MYO10: variants seen among roughly 807,000 people sequenced by gnomAD.
The protein encoded by MYO10 is myosin X.
MYO10 carries 133 observed loss-of-function variants against 257.3 expected under a neutral mutation model. The observed-to-expected ratio is 0.52, with a 90% CI of 0.45 to 0.60. The LOEUF (loss-of-function observed/expected upper bound fraction) is 0.60, where lower values mean the gene tolerates loss of function less well. Ranked by LOEUF, MYO10 falls within the 20% of genes least tolerant of loss-of-function variation. The pLI, the probability that MYO10 is intolerant of heterozygous loss-of-function variation, is 0.00. For missense variants in MYO10, 2,399 were observed against 2,635.7 expected (o/e 0.91, Z 1.97); for synonymous variants, 1,104 against 1,028.6 (o/e 1.07, Z -1.40).
chr5:16,804,023 T>C (rs1742198154), intron 3 of MYO10, among the ~76,000 whole-genome samples: 1 of 152,174 alleles, frequency 6.6e-6, no homozygotes, highest in Admixed American at 6.5e-5. Flanking sequence ...TAAGATATTG[T>C]CCCTACGGTC....
At chr5:16,932,192 C>A (rs944985982) in intron 1 of MYO10, among the ~76,000 whole-genome samples, 4 of 152,204 alleles carry the variant, frequency 2.6e-5, no homozygotes, top group African/African-American at 9.7e-5. Flanking sequence ...TTGTGAGTAT[C>A]TTACTTGTGT....
chr5:16,680,133 CACGTCAACG>C (rs1288201300), intron 32 of MYO10, 29 bp from the exon 33 acceptor site: 1 of 1,594,092 alleles, frequency 6.3e-7, no homozygotes, highest in Non-Finnish European at 8.6e-7. Context: ...CCAGCACACG[CACGTCAACG>C]CCAACCTCGG....
chr5:16,738,105 A>C (rs1011364567), intron 19 of MYO10: 2 of 981,796 alleles, frequency 2.0e-6, no homozygotes, highest in Non-Finnish European at 2.4e-6. Context: ...GAGGGTTTTG[A>C]GGTGGAAATA....
chr5:16,852,208 G>A (rs1277138918), intron 2 of MYO10, among the ~76,000 whole-genome samples: 1 of 148,824 alleles, frequency 6.7e-6, no homozygotes, highest in Non-Finnish European at 1.5e-5. Context: ...TACATTAAAA[G>A]GACAATATAC....
intron 19 of MYO10, among the ~76,000 whole-genome samples, chr5:16,717,449 C>T (rs111561875): frequency 0.013 from 1,995 of 152,264 alleles, 55 homozygotes; most frequent in African/African-American, 0.045. Context: ...TCCTAGAGAT[C>T]AACTTGTCAG....
chr5:16,694,709 G>A (rs1737658691), intron 26 of MYO10, 95 bp from the exon 27 acceptor site: 1 of 1,502,352 alleles, frequency 6.7e-7, no homozygotes, highest in Non-Finnish European at 9.1e-7. Context: ...GTCTAGCCGA[G>A]CTTAGACTCT....
At chr5:16,866,515 C>A (rs1744256202) in intron 2 of MYO10, among the ~76,000 whole-genome samples, 1 of 152,076 alleles carries the variant, frequency 6.6e-6, no homozygotes, top group Non-Finnish European at 1.5e-5. Context: ...ACGGCAATTT[C>A]ATATGGTTCA....
intron 19 of MYO10, among the ~76,000 whole-genome samples, chr5:16,728,439 T>C (rs550438660): frequency 7.9e-5 from 12 of 151,392 alleles, no homozygotes; most frequent in South Asian, 4.2e-4. Context: ...TTTGGGAAGA[T>C]AGAAAGCAGA....
intron 18 of MYO10, among the ~76,000 whole-genome samples, chr5:16,757,301 A>AACACACACAC (rs71595978): frequency 8.2e-4 from 69 of 84,380 alleles, no homozygotes; most frequent in East Asian, 4.6e-3. Context: ...CACACACACA[A>AACACACACAC]ACACACACAC....
chr5:16,886,939 A>G (rs1006281993), intron 1 of MYO10, among the ~76,000 whole-genome samples: 1 of 151,826 alleles, frequency 6.6e-6, no homozygotes, highest in Non-Finnish European at 1.5e-5. Context: ...CTCCAAAAAA[A>G]AAAAAAAAAA....
At chr5:16,736,946 G>A (rs1347796205) in intron 19 of MYO10, among the ~76,000 whole-genome samples, 4 of 152,010 alleles carry the variant, frequency 2.6e-5, no homozygotes, top group South Asian at 4.1e-4. Flanking sequence ...CTGTGGTCCC[G>A]TAAGAAAACA....
intron 19 of MYO10, among the ~76,000 whole-genome samples, chr5:16,736,331 A>G (rs186480074): frequency 6.6e-6 from 1 of 152,352 alleles, no homozygotes; most frequent in Admixed American, 6.5e-5. Flanking sequence ...TATGTAAACC[A>G]GGAAATGCCT....
At chr5:16,706,596 AGTGTCAACTCTCATG>A (rs1738358450) in intron 21 of MYO10, among the ~76,000 whole-genome samples, 2 of 152,194 alleles carry the variant, frequency 1.3e-5, no homozygotes, top group African/African-American at 4.8e-5. Flanking sequence ...AAGAGACAAA[AGTGTCAACTCTCATG>A]AGTGACACAG....
At chr5:16,675,468 T>C (rs1265273640) in intron 34 of MYO10, among the ~76,000 whole-genome samples, 1 of 152,182 alleles carries the variant, frequency 6.6e-6, no homozygotes, top group African/African-American at 2.4e-5. Flanking sequence ...CCAGGTGCAA[T>C]GGCTCACACC....
At chr5:16,737,311 G>A (rs1739842461) in intron 19 of MYO10, among the ~76,000 whole-genome samples, 1 of 152,102 alleles carries the variant, frequency 6.6e-6, no homozygotes, top group African/African-American at 2.4e-5. Flanking sequence ...ACACTTTAAT[G>A]AGCTGTTTTA....
chr5:16,858,820 T>G (rs1156258655), intron 2 of MYO10, among the ~76,000 whole-genome samples: 2 of 152,090 alleles, frequency 1.3e-5, no homozygotes, highest in African/African-American at 4.8e-5. Context: ...TAGCCAGGTA[T>G]GGTGGCATGT....
chr5:16,705,346 T>C (rs915087319), intron 21 of MYO10, among the ~76,000 whole-genome samples: 1 of 152,202 alleles, frequency 6.6e-6, no homozygotes, highest in African/African-American at 2.4e-5. Flanking sequence ...CTAAATAAAT[T>C]GTAGCTGTTT....
intron 2 of MYO10, among the ~76,000 whole-genome samples, chr5:16,855,367 C>T (rs1406557286): frequency 1.3e-5 from 2 of 152,104 alleles, no homozygotes; most frequent in African/African-American, 4.8e-5. Context: ...GCTGGTGCTA[C>T]CTCCAAACAT....
At chr5:16,711,866 C>T (rs1475169798) in intron 19 of MYO10, among the ~76,000 whole-genome samples, 1 of 152,024 alleles carries the variant, frequency 6.6e-6, no homozygotes, top group Non-Finnish European at 1.5e-5. Flanking sequence ...TAATATAACA[C>T]TAGTATCATA....
Sources: gnomAD v4.1 joint callset for allele counts (sites outside exome capture counted in the v4.1 genomes callset) on GRCh38, gnomAD v4.1.1 for gene constraint, MANE v1.5 for transcripts, NCBI Gene and HGNC (gene_info 2026-07-23, HGNC 2026-07-21) for gene names.